The following SPIDR variants were observed in gnomAD, a reference collection of about 807,000 sequenced individuals.
The protein encoded by SPIDR is scaffold protein involved in DNA repair.
In SPIDR, 93 loss-of-function variants were observed where a neutral mutation model predicts 104.6. The ratio of observed to expected loss-of-function variants is 0.89; its 90% CI spans 0.75 to 1.06. The LOEUF (loss-of-function observed/expected upper bound fraction) is 1.06, where lower values mean the gene tolerates loss of function less well. SPIDR is among the 50% of genes least tolerant of loss of function. SPIDR has a pLI of 0.00. For missense variants in SPIDR, 1,154 were observed against 1,111.2 expected (o/e 1.04, Z -0.55); for synonymous variants, 431 against 416.9 (o/e 1.03, Z -0.41).
chr8:47,556,980 C>A lies in SPIDR; in HGVS notation c.1098-38831C>A, dbSNP rs16927869. ...TTGCTTTCTGATTTCAAAGGACACA[C>A]CCTTAAGTATGAACAGGTTGTTTCC... On this transcript the variant is annotated intron_variant, in intron 8 of 19. Coordinates refer to ENST00000297423, the MANE Select transcript of SPIDR (RefSeq NM_001080394.4). 5.0e-3 allele frequency among the ~76,000 whole-genome samples: 754 copies of A among 152,202 alleles called. 8 individuals are homozygous for A. Among genetic ancestry groups the A allele is most frequent in the African/African-American group, 0.017 (716 of 41,506 alleles).
chr8:47,434,330 A>G (rs2067891541), intron 7 of SPIDR, among the ~76,000 whole-genome samples: 1 of 152,106 alleles, frequency 6.6e-6, no homozygotes, highest in Non-Finnish European at 1.5e-5. Flanking sequence ...ACTCACATGC[A>G]TGCTGGGTGA....
chr8:47,321,497 A>T (rs1466904038), intron 5 of SPIDR, among the ~76,000 whole-genome samples: 1 of 152,258 alleles, frequency 6.6e-6, no homozygotes, highest in Non-Finnish European at 1.5e-5. Context: ...AAGAATCAGT[A>T]TCATGAAAAT....
intron 8 of SPIDR, among the ~76,000 whole-genome samples, chr8:47,538,780 GATTT>G (rs1020658303): frequency 1.3e-5 from 2 of 150,674 alleles, no homozygotes; most frequent in African/African-American, 2.4e-5. Flanking sequence ...TTTATGAATA[GATTT>G]ATTTGTTTCC....
intron 10 of SPIDR, among the ~76,000 whole-genome samples, chr8:47,655,948 C>G (rs1365128710): frequency 6.6e-6 from 1 of 152,042 alleles, no homozygotes; most frequent in Non-Finnish European, 1.5e-5. Flanking sequence ...ACATGGGTGT[C>G]AGGCAATTCA....
intron 8 of SPIDR, among the ~76,000 whole-genome samples, chr8:47,465,756 AGTAGTAT>A (rs1331952241): frequency 6.6e-6 from 1 of 152,134 alleles, no homozygotes; most frequent in East Asian, 1.9e-4. Flanking sequence ...TAACAGACCC[AGTAGTAT>A]GTTGTCTTCA....
intron 8 of SPIDR, among the ~76,000 whole-genome samples, chr8:47,488,512 A>G (rs1320926368): frequency 6.6e-6 from 1 of 152,210 alleles, no homozygotes; most frequent in African/African-American, 2.4e-5. Flanking sequence ...TGAGACCAGT[A>G]TCATCCTGAT....
chr8:47,435,175 T>C (rs1247709988), intron 7 of SPIDR, among the ~76,000 whole-genome samples: 1 of 152,066 alleles, frequency 6.6e-6, no homozygotes, highest in African/African-American at 2.4e-5. Context: ...ATATTTTTAT[T>C]TTTGTAAAGC....
intron 7 of SPIDR, among the ~76,000 whole-genome samples, chr8:47,431,862 T>C (rs2067419823): frequency 6.6e-6 from 1 of 152,240 alleles, no homozygotes; most frequent in Non-Finnish European, 1.5e-5. Flanking sequence ...GCCAGATGAC[T>C]TAAAATTTTA....
intron 8 of SPIDR, among the ~76,000 whole-genome samples, chr8:47,593,419 G>T (rs752959926): frequency 1.4e-4 from 21 of 151,802 alleles, no homozygotes; most frequent in Non-Finnish European, 2.8e-4. Flanking sequence ...GTGCGTCAAG[G>T]TTGCTTATTA....
chr8:47,359,252 C>CAA (rs11372277), intron 5 of SPIDR, among the ~76,000 whole-genome samples: 163 of 114,654 alleles, frequency 1.4e-3, no homozygotes, highest in East Asian at 6.6e-3. Flanking sequence ...GACTCCGTCT[C>CAA]AAAAAAAAAA....
intron 5 of SPIDR, among the ~76,000 whole-genome samples, chr8:47,315,767 G>A (rs2045222928): frequency 6.6e-6 from 1 of 152,052 alleles, no homozygotes; most frequent in South Asian, 2.1e-4. Flanking sequence ...GAAAAGAAAG[G>A]CTTTTAAATA....
At chr8:47,470,813 C>T (rs969483304) in intron 8 of SPIDR, among the ~76,000 whole-genome samples, 1 of 152,038 alleles carries the variant, frequency 6.6e-6, no homozygotes, top group Non-Finnish European at 1.5e-5. Flanking sequence ...CGGCTCACTG[C>T]AAGCTCTGCC....
chr8:47,562,024 G>T (rs1267544156), intron 8 of SPIDR, among the ~76,000 whole-genome samples: 1 of 152,088 alleles, frequency 6.6e-6, no homozygotes, highest in Non-Finnish European at 1.5e-5. Context: ...TTTTTATAAT[G>T]TTCACTTCTT....
chr8:47,543,767 C>G (rs1047200060), intron 8 of SPIDR, among the ~76,000 whole-genome samples: 2 of 152,180 alleles, frequency 1.3e-5, no homozygotes, highest in Non-Finnish European at 2.9e-5. Context: ...CATAGCACAT[C>G]CTCTGCTAGT....
At chr8:47,331,989 CTTTTTTTT>C (rs1289524835) in intron 5 of SPIDR, among the ~76,000 whole-genome samples, 2,596 of 36,466 alleles carry the variant, frequency 0.071, 95 homozygotes, top group African/African-American at 0.21. Context: ...TTTTTTTTCT[CTTTTTTTT>C]TTTTTTTTTT....
intron 8 of SPIDR, among the ~76,000 whole-genome samples, chr8:47,540,486 A>G (rs551359756): frequency 6.6e-6 from 1 of 152,202 alleles, no homozygotes; most frequent in Non-Finnish European, 1.5e-5. Context: ...ACAATAAAAT[A>G]TTTTGACCCT....
intron 11 of SPIDR, among the ~76,000 whole-genome samples, chr8:47,694,421 C>T (rs186584200): frequency 1.1e-3 from 162 of 152,002 alleles, no homozygotes; most frequent in South Asian, 3.7e-3. Context: ...GGGAGACAAT[C>T]TAAAGAACAT....
chr8:47,627,612 C>T (rs2066389580), intron 10 of SPIDR, among the ~76,000 whole-genome samples: 1 of 152,110 alleles, frequency 6.6e-6, no homozygotes, highest in East Asian at 1.9e-4. Flanking sequence ...CTTTCTCTTC[C>T]TTCTATGTGT....
At chr8:47,502,425 C>T (rs1477518057) in intron 8 of SPIDR, among the ~76,000 whole-genome samples, 1 of 152,138 alleles carries the variant, frequency 6.6e-6, no homozygotes, top group Non-Finnish European at 1.5e-5. Context: ...AGTTTATTTG[C>T]GTAGAGGTGT....
Sources: allele counts gnomAD v4.1 joint callset (sites outside exome capture counted in the v4.1 genomes callset), GRCh38; gene constraint gnomAD v4.1.1; transcripts MANE v1.5; gene names NCBI Gene and HGNC (gene_info 2026-07-23, HGNC 2026-07-21).